The following PKD1 variants were observed in gnomAD, a reference collection of about 807,000 sequenced individuals.
PKD1 encodes polycystin-1.
In PKD1, 81 loss-of-function variants were observed where a neutral mutation model predicts 361.7. The ratio of observed to expected loss-of-function variants is 0.22; its 90% CI spans 0.19 to 0.27. The LOEUF (loss-of-function observed/expected upper bound fraction) is 0.27, where lower values mean the gene tolerates loss of function less well. Among genes scored for constraint, PKD1 ranks in the 10% least tolerant of loss-of-function variants. The pLI, the probability that PKD1 is intolerant of heterozygous loss-of-function variation, is 1.00. For missense variants in PKD1, 6,399 were observed against 6,118.3 expected, an observed-to-expected ratio of 1.05 and a Z score of -1.53; for synonymous variants, 3,615 against 2,818.3, an observed-to-expected ratio of 1.28 and a Z score of -8.95.
chr16:2,097,877 G>C lies in PKD1; in HGVS notation c.10158C>G (p.Leu3386=), dbSNP rs147454723. Residue 3386 remains leucine, a synonymous_variant, in exon 31 of 46, where the codon CTC becomes CTG. Coordinates refer to ENST00000262304, the MANE Select transcript of PKD1 (RefSeq NM_001009944.3). ...LDSSFLTFSG[L]HAEQAFVGQM... The stretch of plus-strand genomic sequence containing the variant: ...CCAGTAGAGTCCTCACCTCAGCGTG[G>C]AGGCCTGAGAACGTGAGGAAGGAGC... 8.7e-6 allele frequency: 14 copies of C among 1,604,504 alleles called. No homozygotes were observed. In the African/African-American group the frequency reaches 1.7e-4, roughly 20 times the overall value.
In PKD1 at chr16:2,090,149, G is replaced by C; in HGVS notation, c.12490C>G (p.Arg4164Gly). ...RFEGMEPLPS[R>G]SSRGSKVSPD... The stretch of plus-strand genomic sequence containing the variant: ...GATACCTTGGAGCCCCTGGAGGAGC[G>C]AGAGGGCAGCGGCTCCATCCCTTCA... Residue 4164 changes from arginine to glycine, a missense_variant, in exon 46 of 46, where the codon CGC becomes GGC. Physicochemically the swap from Arg to Gly is moderately radical, Grantham distance 125 (BLOSUM62 -2). Transcript: ENST00000262304. 6.3e-7 allele frequency: 1 copy of C among 1,595,738 alleles called. No homozygotes were observed. The highest frequency in any genetic ancestry group is 8.5e-7 in the Non-Finnish European group (1 of 1,170,242).
chr16:2,129,333 C>T (rs956144439), intron 1 of PKD1, among the ~76,000 whole-genome samples: 4 of 151,198 alleles, frequency 2.6e-5, no homozygotes, highest in South Asian at 4.2e-4. Flanking sequence ...TTATTGGTCT[C>T]GCTATGTTGC....
At chr16:2,133,207 G>A (rs1490274275) in intron 1 of PKD1, 4 of 149,844 alleles carry the variant, frequency 2.7e-5, no homozygotes, top group Admixed American at 2.0e-4. Context: ...GTCTCCCCAC[G>A]AAGCTTCGAG....
chr16:2,096,930 T>C, intron 34 of PKD1: 1 of 591,976 alleles, frequency 1.7e-6, no homozygotes, highest in Non-Finnish European at 3.0e-6. Context: ...CAAAGCCCCA[T>C]GAGCCTGCTC....
chr16:2,109,107 G>T lies in PKD1; in HGVS notation c.6060C>A (p.Ile2020=). The stretch of plus-strand genomic sequence containing the variant: ...TGTAGGTGACGTCGCGGCCCGACAG[G>T]ATGACCAGCGAGTCGCCCTGGACCT... The part of the protein sequence containing the change: ...LQKVQGDSLV[I]LSGRDVTYTP... The change falls in exon 15 of 46, where the codon ATC becomes ATA. Residue 2020 remains isoleucine, a synonymous_variant. Coordinates refer to ENST00000262304, the MANE Select transcript of PKD1 (RefSeq NM_001009944.3). The T allele has an allele frequency of 1.2e-6, 2 of 1,603,108 alleles. No individual in the cohort carries two copies. The highest frequency in any genetic ancestry group is 1.7e-6 in the Non-Finnish European group (2 of 1,174,140).
In PKD1 at chr16:2,110,318, C is replaced by T. The variant is rs2092468892; in HGVS notation, c.4849G>A (p.Val1617Met). 1 of 1,612,662 alleles carries T rather than the reference C, an allele frequency of 6.2e-7. No individual in the cohort carries two copies. Among genetic ancestry groups the T allele is most frequent in the Non-Finnish European group, 8.5e-7 (1 of 1,179,848 alleles). Reference sequence around the variant, plus strand: ...AAGATGCTGTCCTGGGCGGAGCCCACCTCGTTCTCAGCCGTGACGATGATA... The same window carrying T: ...AAGATGCTGTCCTGGGCGGAGCCCATCTCGTTCTCAGCCGTGACGATGATA... ...FNIIVTAENE[V>M]GSAQDSIFVY... Residue 1617 changes from valine to methionine, a missense_variant, in exon 15 of 46, where the codon GTG becomes ATG. Transcript: ENST00000262304.
rs779937714 is a variant in PKD1 at position 2,115,612 on chromosome 16, G to A, written c.1863C>T (p.Asn621=). The change falls in exon 10 of 46, where the codon AAC becomes AAT. Residue 621 remains asparagine, a synonymous_variant. Transcript: ENST00000262304. ...RLLSTAGTPE[N]GSEPESRSPD... ...GGGACCTGCTCTCAGGCTCGCTGCCGTTCTCCGGGGTCCCTGTGAGGAGGG... is the reference window on the plus strand; with the variant it reads ...GGGACCTGCTCTCAGGCTCGCTGCCATTCTCCGGGGTCCCTGTGAGGAGGG... 84 of 1,600,262 alleles carry A rather than the reference G, an allele frequency of 5.2e-5. No homozygotes were observed. Among genetic ancestry groups the A allele is most frequent in the Non-Finnish European group, 6.0e-5 (71 of 1,176,214 alleles).
At chr16:2,124,050 T>C (rs1438013677) in intron 1 of PKD1, among the ~76,000 whole-genome samples, 1 of 152,164 alleles carries the variant, frequency 6.6e-6, no homozygotes, top group African/African-American at 2.4e-5. Context: ...GGGGCACCAC[T>C]GGGTGGAGAA....
At chr16:2,135,381 G>A in intron 1 of PKD1, 94 bp downstream of exon 1, 1 of 1,072,668 alleles carries the variant, frequency 9.3e-7, no homozygotes, top group Non-Finnish European at 1.1e-6. Context: ...GGAGCGTCCT[G>A]GCCCGCGTCC....
Position 2,118,582 on chromosome 16 carries a change from C to A in PKD1, c.529+94G>T, listed in dbSNP as rs866036951. On this transcript the variant is annotated intron_variant, in intron 4 of 45. Transcript: ENST00000262304. This position sits in a 1 kb window ranked among gnomAD's most constrained non-coding sequence, Gnocchi z 6.0. ...GTTCCCTTGGCCCGGAGGCCCCCCC[C>A]AGAGAGGCCTTCCTGAGCCCTGCCC... The A allele has an allele frequency of 1.9e-5, 15 of 776,004 alleles. No homozygotes were observed. Among genetic ancestry groups the A allele is most frequent in the South Asian group, 1.0e-4 (7 of 67,674 alleles). The allele number at this position is 776,004 out of a possible 1,614,324, so 48.1% of individuals were successfully genotyped here.
chr16:2,111,712 G>C lies in PKD1; in HGVS notation c.3455C>G (p.Pro1152Arg). ...RPVTFYPHPL[P>R]SPGGVLYTWD... is the part of the protein sequence containing the mutation. ...CGTGTAAAGAACACCCCCAGGCGAG[G>C]GCAGCGGGTGCGGGTAGAAGGTGAC... Residue 1152 changes from proline to arginine, a missense_variant, in exon 15 of 46, where the codon CCC becomes CGC. Transcript: ENST00000262304. The C allele has an allele frequency of 6.3e-7, 1 of 1,589,184 alleles. No individual in the cohort carries two copies. The highest frequency in any genetic ancestry group is 8.6e-7 in the Non-Finnish European group (1 of 1,169,358).
At chr16:2,090,260 C>G (rs1386548768) in intron 45 of PKD1, 25 bp downstream of exon 45, 3 of 1,608,398 alleles carry the variant, frequency 1.9e-6, no homozygotes, top group South Asian at 2.2e-5. Flanking sequence ...GCGTGTCCCT[C>G]TCCCCCCCAC....
Position 2,111,799 on chromosome 16 carries a change from C to A in PKD1, c.3368G>T (p.Arg1123Leu), listed in dbSNP as rs137863236. ...NLTQQVPVSV[R>L]ASLPSVAVGV... The stretch of plus-strand genomic sequence containing the variant: ...CACAGCCACGGAGGGCAGGGAGGCG[C>A]GCACGCTCACAGGCACCTGCTGCGT... Residue 1123 changes from arginine to leucine, a missense_variant, in exon 15 of 46, where the codon CGC (arginine) becomes CTC (leucine). By Grantham distance (102) the Arg-to-Leu change is moderately radical. Transcript: ENST00000262304. 2 of 1,609,418 alleles carry A rather than the reference C, an allele frequency of 1.2e-6. No homozygotes were observed. Among genetic ancestry groups the A allele is most frequent in the Non-Finnish European group, 1.7e-6 (2 of 1,179,278 alleles).
chr16:2,092,223 C>A, intron 39 of PKD1, 35 bp from the exon 40 acceptor site: 1 of 1,553,722 alleles, frequency 6.4e-7, no homozygotes, highest in Non-Finnish European at 8.7e-7. Context: ...GGGGCCAGGG[C>A]CTCATCAAAA....
Position 2,116,856 on chromosome 16 carries a change from T to A in PKD1, c.1583A>T (p.Tyr528Phe), listed in dbSNP as rs750798165. Reference protein sequence around the residue: ...NTDLCSAPHSYVCELQPGGPV... With the variant: ...NTDLCSAPHSFVCELQPGGPV... ...ACCTCCGGGCTGCAGCTCGCAGACG[T>A]AGCTGTGCGGCGCTGAGCACAGGTC... Residue 528 changes from tyrosine (Y) to phenylalanine (F), a missense_variant, in exon 7 of 46, where the codon TAC (tyrosine) becomes TTC (phenylalanine). Coordinates refer to ENST00000262304, the MANE Select transcript of PKD1 (RefSeq NM_001009944.3). 2.6e-6 allele frequency: 4 copies of A among 1,529,868 alleles called. No homozygotes were observed. Among genetic ancestry groups the A allele is most frequent in the Non-Finnish European group, 3.5e-6 (4 of 1,142,026 alleles). The allele number at this position is 1,529,868 out of a possible 1,614,324, so 94.8% of individuals were successfully genotyped here. A position where few individuals can be genotyped will look rare whatever the true frequency, so the allele number is the denominator to read the frequency against.
chr16:2,091,324 G>GAGGCGCTGCGA (rs2091551313), intron 42 of PKD1, 99 bp downstream of exon 42: 4 of 545,812 alleles, frequency 7.3e-6, no homozygotes, highest in African/African-American at 2.2e-5. Context: ...GCGAGGGGGC[G>GAGGCGCTGCGA]GGGCGCTGCG....
Position 2,089,669 on chromosome 16 carries a change from A to T in PKD1, c.*58T>A. On this transcript the variant is annotated 3_prime_UTR_variant, in exon 46 of 46. Transcript: ENST00000262304. ...GCCCTCGGCCTTGACAGCGGCAGAA[A>T]GTAATACTGAGCGGTGTCCACTCCG... is the stretch of plus-strand genomic sequence containing the variant. The T allele has an allele frequency of 6.5e-7, 1 of 1,544,712 alleles. No homozygotes were observed. Among genetic ancestry groups the T allele is most frequent in the Admixed American group, 2.0e-5 (1 of 50,984 alleles).
chr16:2,114,154 C>T lies in PKD1; in HGVS notation c.2853+16G>A, dbSNP rs755828615. On this transcript the variant is annotated intron_variant, in intron 11 of 45. Transcript: ENST00000262304. Reference sequence around the variant, plus strand: ...ACCTGCCTGGGGGCTGGTGGTGGAGCCTCGGCCATACTCACCACTAGGACT... The same window carrying T: ...ACCTGCCTGGGGGCTGGTGGTGGAGTCTCGGCCATACTCACCACTAGGACT... 3 of 1,600,298 alleles carry T rather than the reference C, an allele frequency of 1.9e-6. No individual in the cohort carries two copies. In the African/African-American group the frequency reaches 4.0e-5, roughly 21 times the overall value.
In PKD1 at chr16:2,090,788, G is replaced by C; in HGVS notation, c.12024C>G (p.Phe4008Leu). 1 of 1,612,554 alleles carries C rather than the reference G, an allele frequency of 6.2e-7. No homozygotes were observed. Among genetic ancestry groups the C allele is most frequent in the African/African-American group, 1.3e-5 (1 of 75,052 alleles). Residue 4008 changes from phenylalanine to leucine, a missense_variant, in exon 44 of 46, where the codon TTC becomes TTG. Physicochemically the swap from Phe to Leu is conservative, Grantham distance 22. Transcript: ENST00000262304. ...TGCCAAAGACGGACCACTGGCGCAC[G>C]AAGCGTAGCTGCTGGGCAGCCTGCG... Reference protein sequence around the residue: ...LLVKAAQQLRFVRQWSVFGKT... With the variant: ...LLVKAAQQLRLVRQWSVFGKT...
Sources: allele counts gnomAD v4.1 joint callset (sites outside exome capture counted in the v4.1 genomes callset), GRCh38; gene constraint gnomAD v4.1.1; non-coding constraint Gnocchi (gnomAD v3.1); transcripts MANE v1.5; gene names NCBI Gene and HGNC (gene_info 2026-07-23, HGNC 2026-07-21).